Variants in PALS2 observed in about 807,000 individuals in gnomAD.
The protein encoded by PALS2 is protein PALS2.
In PALS2, 27 loss-of-function variants were observed where a neutral mutation model predicts 61.6. The observed-to-expected ratio is 0.44, with a 90% confidence interval of 0.32 to 0.60. The LOEUF is 0.60. PALS2 is among the 20% of genes least tolerant of loss of function. PALS2 has a pLI of 0.05. For missense variants in PALS2, 554 were observed against 639.4 expected, an observed-to-expected ratio of 0.87 and a Z score of 1.44; for synonymous variants, 236 against 218.6, an observed-to-expected ratio of 1.08 and a Z score of -0.70.
At chr7:24,614,724 G>A (rs1455400662) in intron 1 of PALS2, among the ~76,000 whole-genome samples, 1 of 151,810 alleles carries the variant, frequency 6.6e-6, no homozygotes, top group Non-Finnish European at 1.5e-5. Context: ...CTGCACCATA[G>A]GCCAAATAGA....
chr7:24,577,516 C>T (rs1264209616), intron 1 of PALS2, among the ~76,000 whole-genome samples: 1 of 151,556 alleles, frequency 6.6e-6, no homozygotes, highest in Non-Finnish European at 1.5e-5. Flanking sequence ...ATGATTTAAT[C>T]CCTCCTTCAC....
chr7:24,580,292 T>C (rs1265040812), intron 1 of PALS2, among the ~76,000 whole-genome samples: 5 of 152,182 alleles, frequency 3.3e-5, no homozygotes, highest in Non-Finnish European at 7.4e-5. Context: ...GCTAAAGGAT[T>C]CTAATTTAGT....
At chr7:24,605,017 G>A (rs973093223) in intron 1 of PALS2, among the ~76,000 whole-genome samples, 5 of 152,090 alleles carry the variant, frequency 3.3e-5, no homozygotes. Context: ...TTTTTATAAC[G>A]GCCTTTGGGC....
chr7:24,624,582 G>A (rs963032234), intron 2 of PALS2, among the ~76,000 whole-genome samples: 1 of 141,588 alleles, frequency 7.1e-6, no homozygotes, highest in Non-Finnish European at 1.5e-5. Flanking sequence ...ATTAGTGAGA[G>A]TGAATTAATG....
chr7:24,576,320 C>T (rs1482242174), intron 1 of PALS2, among the ~76,000 whole-genome samples: 1 of 152,150 alleles, frequency 6.6e-6, no homozygotes, highest in Admixed American at 6.5e-5. Flanking sequence ...TGATTTTCCT[C>T]CTTTTCTGTT....
At chr7:24,583,356 C>T (rs1384041166) in intron 1 of PALS2, among the ~76,000 whole-genome samples, 1 of 152,082 alleles carries the variant, frequency 6.6e-6, no homozygotes, top group Non-Finnish European at 1.5e-5. Context: ...CAATCCTTAG[C>T]ATTAAGCTCT....
chr7:24,615,472 A>G (rs1784262901), intron 1 of PALS2, among the ~76,000 whole-genome samples: 1 of 152,012 alleles, frequency 6.6e-6, no homozygotes, highest in Non-Finnish European at 1.5e-5. Context: ...ATGTCAATAC[A>G]TTTGAAAATC....
At chr7:24,606,321 C>G (rs1783897746) in intron 1 of PALS2, among the ~76,000 whole-genome samples, 1 of 152,118 alleles carries the variant, frequency 6.6e-6, no homozygotes. Context: ...CTCCAAGACA[C>G]TGTGGCAATA....
At chr7:24,587,541 T>A (rs1211282039) in intron 1 of PALS2, among the ~76,000 whole-genome samples, 2 of 151,548 alleles carry the variant, frequency 1.3e-5, no homozygotes, top group Non-Finnish European at 2.9e-5. Context: ...ATTTTTTTTT[T>A]TTTTTTTTAA....
In PALS2 at chr7:24,689,256, G is replaced by A. The variant is rs917870213; in HGVS notation, c.*1642G>A. 2 of 152,296 alleles carry A rather than the reference G, an allele frequency of 1.3e-5. No homozygotes were observed. Among genetic ancestry groups the A allele is most frequent in the East Asian group, 3.9e-4 (2 of 5,190 alleles). 9.4% of individuals were successfully genotyped at this position (152,296 alleles called of 1,614,324 possible). ...AGAAATTCTTCCTAAAACATACTCA[G>A]AGATGCAGCTCATTATTAAATTAAG... is the stretch of plus-strand genomic sequence containing the variant. On this transcript the variant is annotated 3_prime_UTR_variant, in exon 12 of 12. Transcript: ENST00000222644.
Position 24,693,079 on chromosome 7 carries a change from T to C in PALS2, c.*5465T>C, listed in dbSNP as rs981197590. 3 of 152,144 alleles carry C rather than the reference T, an allele frequency of 2.0e-5. No individual in the cohort carries two copies. The highest frequency in any genetic ancestry group is 1.9e-4 in the East Asian group (1 of 5,192). The allele number at this position is 152,144 out of a possible 1,614,324, so 9.4% of individuals were successfully genotyped here. ...GAAGGGATAGTTCTCTTCCTTTTTT[T>C]CCCCTCCTACTGGCTCTTACTGTTT... On this transcript the variant is annotated 3_prime_UTR_variant, in exon 12 of 12. Coordinates refer to ENST00000222644, the MANE Select transcript of PALS2 (RefSeq NM_001303037.2).
chr7:24,608,828 G>T (rs1784017413), intron 1 of PALS2, among the ~76,000 whole-genome samples: 2 of 152,052 alleles, frequency 1.3e-5, no homozygotes, highest in South Asian at 4.2e-4. Flanking sequence ...GCCCAGGCTG[G>T]TCTCAAATTC....
chr7:24,630,657 C>T (rs1230286709), intron 2 of PALS2, among the ~76,000 whole-genome samples: 2 of 152,116 alleles, frequency 1.3e-5, no homozygotes, highest in African/African-American at 4.8e-5. Flanking sequence ...TACCTGCCTT[C>T]AAAGGACAGG....
intron 2 of PALS2, among the ~76,000 whole-genome samples, chr7:24,639,073 G>T (rs955721341): frequency 1.3e-5 from 2 of 152,098 alleles, no homozygotes; most frequent in Non-Finnish European, 2.9e-5. Flanking sequence ...GGATAGATAC[G>T]GTGTAATGGA....
intron 1 of PALS2, among the ~76,000 whole-genome samples, chr7:24,616,659 G>A (rs1784303122): frequency 6.6e-6 from 1 of 152,098 alleles, no homozygotes. Context: ...TCCGTTTACA[G>A]CCAAGGGTGT....
At chr7:24,585,937 A>G (rs1783049705) in intron 1 of PALS2, among the ~76,000 whole-genome samples, 1 of 152,128 alleles carries the variant, frequency 6.6e-6, no homozygotes, top group African/African-American at 2.4e-5. Context: ...CTTCTCTTTT[A>G]TCATCCAAAC....
At chr7:24,656,720 A>T (rs534788255) in intron 5 of PALS2, among the ~76,000 whole-genome samples, 4 of 151,730 alleles carry the variant, frequency 2.6e-5, no homozygotes, top group African/African-American at 9.7e-5. Context: ...TTTTGTAGAG[A>T]CAGGGTTTCG....
intron 2 of PALS2, among the ~76,000 whole-genome samples, chr7:24,640,434 G>T (rs2711132): frequency 0.92 from 140,335 of 152,276 alleles, 64,873 homozygotes; most frequent in East Asian, 1. Flanking sequence ...TCTAAAGTAT[G>T]ATAGTTTAGG....
At chr7:24,614,641 G>A (rs1254700669) in intron 1 of PALS2, among the ~76,000 whole-genome samples, 1 of 151,836 alleles carries the variant, frequency 6.6e-6, no homozygotes, top group Non-Finnish European at 1.5e-5. Context: ...ATAATAGTTG[G>A]AAACTTCAGC....
Sources: gnomAD v4.1 joint callset for allele counts (sites outside exome capture counted in the v4.1 genomes callset) on GRCh38, gnomAD v4.1.1 for gene constraint, MANE v1.5 for transcripts, NCBI Gene and HGNC (gene_info 2026-07-23, HGNC 2026-07-21) for gene names.